The following ITSN2 variants were observed in gnomAD, a reference collection of about 807,000 sequenced individuals.
ITSN2 encodes intersectin 2.
In ITSN2, 156 loss-of-function variants were observed where a neutral mutation model predicts 243.7. The ratio of observed to expected loss-of-function variants is 0.64; its 90% CI spans 0.56 to 0.73. ITSN2 has a LOEUF of 0.73. Among genes scored for constraint, ITSN2 ranks in the 30% least tolerant of loss-of-function variants. ITSN2 has a pLI of 0.00. For missense variants in ITSN2, 1,801 were observed against 1,996.1 expected (o/e 0.90, Z 1.86); for synonymous variants, 703 against 699.9 (o/e 1.00, Z -0.07).
At chr2:24,307,387 T>C (rs996783877) in intron 8 of ITSN2, among the ~76,000 whole-genome samples, 2 of 151,996 alleles carry the variant, frequency 1.3e-5, no homozygotes, top group Non-Finnish European at 2.9e-5. Flanking sequence ...GCATACCTTG[T>C]TTCATGCAAT....
At chr2:24,333,016 A>G (rs1685959578) in intron 1 of ITSN2, among the ~76,000 whole-genome samples, 1 of 152,198 alleles carries the variant, frequency 6.6e-6, no homozygotes, top group Admixed American at 6.5e-5. Context: ...CTTTGATAAT[A>G]TGGATACTCC....
chr2:24,216,536 G>A (rs1315985092), intron 31 of ITSN2, among the ~76,000 whole-genome samples: 2 of 152,148 alleles, frequency 1.3e-5, no homozygotes, highest in Non-Finnish European at 2.9e-5. Context: ...CAAGAGGATT[G>A]CTTGAGCCCA....
At chr2:24,335,492 T>A (rs1686262680) in intron 1 of ITSN2, among the ~76,000 whole-genome samples, 1 of 151,630 alleles carries the variant, frequency 6.6e-6, no homozygotes, top group Non-Finnish European at 1.5e-5. Context: ...ACCACCATGC[T>A]CAGCTAATTT....
At chr2:24,205,694 T>G (rs1310237283) in intron 37 of ITSN2, 1 of 220,412 alleles carries the variant, frequency 4.5e-6, no homozygotes, top group African/African-American at 2.2e-5. Context: ...ATGGACTGTT[T>G]CGATCATCCT....
In ITSN2 at chr2:24,270,661, C is replaced by G. The variant is rs1226261487; in HGVS notation, c.2355+10G>C. ...GTTATTCATGATTAAAAAAAAAATTCATTTCCTACCTGAATTATATCTCCA... is the reference window on the plus strand; with the variant it reads ...GTTATTCATGATTAAAAAAAAAATTGATTTCCTACCTGAATTATATCTCCA... On this transcript the variant is annotated intron_variant, in intron 20 of 39. Coordinates refer to ENST00000355123, the MANE Select transcript of ITSN2 (RefSeq NM_006277.3). The G allele has an allele frequency of 7.0e-7, 1 of 1,427,794 alleles. No individual in the cohort carries two copies. The highest frequency in any genetic ancestry group is 2.3e-5 in the East Asian group (1 of 43,872). 88.4% of individuals were successfully genotyped at this position (1,427,794 alleles called of 1,614,324 possible).
intron 37 of ITSN2, among the ~76,000 whole-genome samples, chr2:24,206,050 C>T (rs1172940330): frequency 1.3e-5 from 2 of 152,092 alleles, no homozygotes; most frequent in East Asian, 1.9e-4. Context: ...AAGGACTGAA[C>T]GCACGGACGA....
At chr2:24,298,544 C>T in intron 13 of ITSN2, 121 bp downstream of exon 13, 1 of 848,956 alleles carries the variant, frequency 1.2e-6, no homozygotes, top group East Asian at 2.8e-5. Context: ...GATCTGCCTG[C>T]CTTGGCCTCC....
chr2:24,343,436 C>T (rs1687232376), intron 1 of ITSN2, among the ~76,000 whole-genome samples: 1 of 152,020 alleles, frequency 6.6e-6, no homozygotes, highest in African/African-American at 2.4e-5. Flanking sequence ...TTTTCCAGAC[C>T]ACACTAGTTA....
chr2:24,243,953 G>A (rs892071356), intron 29 of ITSN2, among the ~76,000 whole-genome samples: 3 of 152,202 alleles, frequency 2.0e-5, no homozygotes, highest in Non-Finnish European at 4.4e-5. Flanking sequence ...GGAGAGTGGA[G>A]ATATAGACTG....
At chr2:24,311,008 T>C (rs1285015399) in intron 5 of ITSN2, among the ~76,000 whole-genome samples, 12 of 151,924 alleles carry the variant, frequency 7.9e-5, no homozygotes, top group Admixed American at 7.9e-4. Flanking sequence ...CATTACCAGA[T>C]CAAATGAGGT....
intron 1 of ITSN2, chr2:24,330,492 A>G (rs1685658942): frequency 1.4e-6 from 1 of 690,370 alleles, no homozygotes; most frequent in Admixed American, 1.8e-5. Flanking sequence ...GTTGTCTGCT[A>G]AACCTGCTCC....
rs976933065 is a variant in ITSN2 at position 24,249,234 on chromosome 2, T to C, written c.3121-352A>G. Reference sequence around the variant, plus strand: ...GCACCAATGCCCACTATGCACAACATATGTGTCCTGGATATGTCAAGGTAT... The same window carrying C: ...GCACCAATGCCCACTATGCACAACACATGTGTCCTGGATATGTCAAGGTAT... On this transcript the variant is annotated intron_variant, in intron 25 of 39. Transcript: ENST00000355123. The surrounding 1 kb of genome is among the most constrained non-coding windows in gnomAD (Gnocchi z 4.4). Among the ~76,000 whole-genome samples, 2 of 152,196 alleles carry C rather than the reference T, an allele frequency of 1.3e-5. No individual in the cohort carries two copies. Among genetic ancestry groups the C allele is most frequent in the Non-Finnish European group, 2.9e-5 (2 of 68,030 alleles).
intron 2 of ITSN2, among the ~76,000 whole-genome samples, chr2:24,322,367 G>GCGT (rs549561020): frequency 1.1e-4 from 17 of 152,314 alleles, no homozygotes; most frequent in African/African-American, 2.9e-4. Flanking sequence ...GGCAAGACTA[G>GCGT]CGTCTACTCA....
Position 24,204,663 on chromosome 2 carries a change from A to G in ITSN2, c.4763-245T>C, listed in dbSNP as rs1404980056. 1.6e-6 allele frequency: 1 copy of G among 616,162 alleles called. No homozygotes were observed. Among genetic ancestry groups the G allele is most frequent in the Non-Finnish European group, 3.0e-6 (1 of 329,928 alleles). The allele number at this position is 616,162 out of a possible 1,614,324, so 38.2% of individuals were successfully genotyped here. On this transcript the variant is annotated intron_variant, in intron 38 of 39. Transcript: ENST00000355123. The surrounding 1 kb of genome is among the most constrained non-coding windows in gnomAD (Gnocchi z 5.1). ...CACCGCCAGGACCACTCCGCACGGA[A>G]CAATCCTGGGTGAGTGTCACTGCAA...
At chr2:24,214,161 T>C (rs1446687119) in intron 32 of ITSN2, among the ~76,000 whole-genome samples, 4 of 152,250 alleles carry the variant, frequency 2.6e-5, no homozygotes, top group African/African-American at 9.6e-5. Context: ...TTGGTTATGA[T>C]AGGCTCTTCT....
intron 2 of ITSN2, among the ~76,000 whole-genome samples, chr2:24,316,005 G>A (rs576036559): frequency 1.6e-4 from 24 of 152,168 alleles, no homozygotes; most frequent in Non-Finnish European, 3.1e-4. Flanking sequence ...TAACAGGAAA[G>A]GTAACACTGA....
intron 29 of ITSN2, among the ~76,000 whole-genome samples, chr2:24,232,957 G>C (rs1671772134): frequency 6.6e-6 from 1 of 152,154 alleles, no homozygotes; most frequent in Non-Finnish European, 1.5e-5. Flanking sequence ...CAATGAAAAA[G>C]CAAACAAGGC....
Position 24,203,520 on chromosome 2 carries a change from G to T in ITSN2, c.*106C>A. On this transcript the variant is annotated 3_prime_UTR_variant, in exon 40 of 40. Transcript: ENST00000355123. ...GAGCCCCCAGCGTGCATGGCTTTGTGAGGGGTGAAGCTGCATGGTGCTCCC... is the reference window on the plus strand; with the variant it reads ...GAGCCCCCAGCGTGCATGGCTTTGTTAGGGGTGAAGCTGCATGGTGCTCCC... 8.7e-7 allele frequency: 1 copy of T among 1,144,740 alleles called. No homozygotes were observed. The allele number at this position is 1,144,740 out of a possible 1,614,324, so 70.9% of individuals were successfully genotyped here.
At chr2:24,333,467 C>T (rs537527049) in intron 1 of ITSN2, among the ~76,000 whole-genome samples, 1 of 152,302 alleles carries the variant, frequency 6.6e-6, no homozygotes, top group African/African-American at 2.4e-5. Context: ...CAACAAACAC[C>T]CCTTTCTACT....
Sources: allele counts gnomAD v4.1 joint callset (sites outside exome capture counted in the v4.1 genomes callset), GRCh38; gene constraint gnomAD v4.1.1; non-coding constraint Gnocchi (gnomAD v3.1); transcripts MANE v1.5; gene names NCBI Gene and HGNC (gene_info 2026-07-23, HGNC 2026-07-21).